The following SGCZ variants were observed in gnomAD, a reference collection of about 807,000 sequenced individuals.
SGCZ encodes zeta-sarcoglycan.
A neutral mutation model predicts 41.3 loss-of-function variants in SGCZ; 40 were observed. The ratio of observed to expected loss-of-function variants is 0.97; its 90% CI spans 0.75 to 1.26. The LOEUF is 1.26. SGCZ is among the 50% of genes most tolerant of loss of function. SGCZ has a pLI of 0.00. For synonymous variants in SGCZ, 206 were observed against 137.5 expected (o/e 1.50, Z -3.49); for missense variants, 552 against 369.8 (o/e 1.49, Z -4.04).
intron 2 of SGCZ, among the ~76,000 whole-genome samples, chr8:14,521,978 A>C (rs1387524316): frequency 6.6e-6 from 1 of 152,110 alleles, no homozygotes; most frequent in Admixed American, 6.6e-5. Flanking sequence ...TGTGTGCAGA[A>C]ATTTTAAAAT....
chr8:14,632,425 T>G (rs535205007), intron 1 of SGCZ, among the ~76,000 whole-genome samples: 1 of 152,224 alleles, frequency 6.6e-6, no homozygotes, highest in Admixed American at 6.6e-5. Context: ...TTATTTAAGG[T>G]AGCTACTATG....
At chr8:14,495,952 C>T (rs1357667078) in intron 2 of SGCZ, among the ~76,000 whole-genome samples, 2 of 152,004 alleles carry the variant, frequency 1.3e-5, no homozygotes, top group East Asian at 3.9e-4. Context: ...GAAGAACAAG[C>T]CTGAAATGTA....
chr8:15,186,302 T>G lies in SGCZ; in HGVS notation c.39+51283A>C, dbSNP rs1228250398. Among the ~76,000 whole-genome samples, 11 of 96,612 alleles carry G rather than the reference T, an allele frequency of 1.1e-4. No individual in the cohort carries two copies. The East Asian group carries it at 2.7e-3, about 23-fold the overall frequency. The allele number at this position is 96,612 out of a possible 152,430, so 63.4% of individuals were successfully genotyped here. A position where few individuals can be genotyped will look rare whatever the true frequency, so the allele number is the denominator to read the frequency against. ...AAAAAAAAAAAAAAAAAAAAAAAAG[T>G]TAATTTCTCTCGCATGTAGTAGTCC... On this transcript the variant is annotated intron_variant, in intron 1 of 7. Transcript: ENST00000382080.
intron 3 of SGCZ, among the ~76,000 whole-genome samples, chr8:14,299,085 T>C (rs909876147): frequency 2.0e-5 from 3 of 151,944 alleles, no homozygotes; most frequent in Non-Finnish European, 2.9e-5. Context: ...AGCAATTCAA[T>C]GGAGAAAGAA....
chr8:14,120,155 A>T (rs1253984229), intron 5 of SGCZ, among the ~76,000 whole-genome samples: 2 of 152,188 alleles, frequency 1.3e-5, no homozygotes, highest in Non-Finnish European at 2.9e-5. Context: ...AACCAGCAAT[A>T]AAGAATTATC....
At chr8:14,734,849 TA>T (rs35126181) in intron 1 of SGCZ, among the ~76,000 whole-genome samples, 123,271 of 151,974 alleles carry the variant, frequency 0.81, 50,353 homozygotes, top group African/African-American at 0.92. Flanking sequence ...TACCTTAATT[TA>T]AAAAAAATTA....
At chr8:14,351,209 T>A (rs1200840942) in intron 2 of SGCZ, among the ~76,000 whole-genome samples, 1 of 152,190 alleles carries the variant, frequency 6.6e-6, no homozygotes, top group Admixed American at 6.5e-5. Context: ...GTATTACCGG[T>A]ATTGTAAGAT....
intron 1 of SGCZ, among the ~76,000 whole-genome samples, chr8:15,159,723 T>TCCC (rs1799448022): frequency 7.3e-5 from 1 of 13,650 alleles, no homozygotes; most frequent in Non-Finnish European, 1.5e-4. Context: ...CCCCCCTCCC[T>TCCC]CGCCCCCGCC....
At chr8:14,501,540 C>G (rs1160367331) in intron 2 of SGCZ, among the ~76,000 whole-genome samples, 1 of 150,992 alleles carries the variant, frequency 6.6e-6, no homozygotes, top group African/African-American at 2.4e-5. Flanking sequence ...TACAAGAGAT[C>G]TATATCGTTG....
chr8:14,536,952 T>C (rs1187271285), intron 2 of SGCZ, among the ~76,000 whole-genome samples: 1 of 151,906 alleles, frequency 6.6e-6, no homozygotes, highest in African/African-American at 2.4e-5. Flanking sequence ...TAAGCCAAGA[T>C]TCTATAAAAA....
chr8:15,199,519 T>C (rs1384100629), intron 1 of SGCZ, among the ~76,000 whole-genome samples: 5 of 152,214 alleles, frequency 3.3e-5, no homozygotes, highest in African/African-American at 1.2e-4. Context: ...TCTAGAGTTA[T>C]AACTAATTAC....
At chr8:15,228,908 T>C (rs1412180697) in intron 1 of SGCZ, among the ~76,000 whole-genome samples, 1 of 152,096 alleles carries the variant, frequency 6.6e-6, no homozygotes, top group African/African-American at 2.4e-5. Flanking sequence ...TTTTGAAAAA[T>C]GCAGGCTGGG....
intron 2 of SGCZ, among the ~76,000 whole-genome samples, chr8:14,329,479 TTC>T (rs1802238512): frequency 6.6e-6 from 1 of 152,210 alleles, no homozygotes; most frequent in South Asian, 2.1e-4. Context: ...TTTTTATTTC[TTC>T]TTTTTCATTT....
intron 2 of SGCZ, among the ~76,000 whole-genome samples, chr8:14,515,371 G>C (rs926367254): frequency 8.6e-5 from 13 of 152,024 alleles, no homozygotes; most frequent in Admixed American, 3.9e-4. Flanking sequence ...AGCATTTTTA[G>C]AAAGTTTCAA....
At chr8:14,596,070 G>A (rs1410256812) in intron 1 of SGCZ, among the ~76,000 whole-genome samples, 1 of 152,208 alleles carries the variant, frequency 6.6e-6, no homozygotes, top group African/African-American at 2.4e-5. Context: ...CCGTCAGATA[G>A]ATGGACTTTG....
At chr8:14,747,127 T>C (rs1339537756) in intron 1 of SGCZ, among the ~76,000 whole-genome samples, 1 of 152,220 alleles carries the variant, frequency 6.6e-6, no homozygotes, top group Non-Finnish European at 1.5e-5. Flanking sequence ...ACGGTTAGGA[T>C]TATTTTCTGT....
chr8:14,632,345 G>A (rs1164368908), intron 1 of SGCZ, among the ~76,000 whole-genome samples: 1 of 151,866 alleles, frequency 6.6e-6, no homozygotes, highest in African/African-American at 2.4e-5. Flanking sequence ...ATAATCTAGT[G>A]CATTATCTAC....
At chr8:15,152,495 C>G (rs1234010609) in intron 1 of SGCZ, among the ~76,000 whole-genome samples, 2 of 152,170 alleles carry the variant, frequency 1.3e-5, no homozygotes, top group Admixed American at 6.5e-5. Flanking sequence ...AAAAGCAGGT[C>G]CTTGCAAGCT....
chr8:14,946,532 G>A (rs1189602197), intron 1 of SGCZ, among the ~76,000 whole-genome samples: 1 of 152,028 alleles, frequency 6.6e-6, no homozygotes, highest in East Asian at 1.9e-4. Flanking sequence ...CCACCAGGCA[G>A]GGAATGAATC....
Sources: gnomAD v4.1 joint callset for allele counts (sites outside exome capture counted in the v4.1 genomes callset) on GRCh38, gnomAD v4.1.1 for gene constraint, MANE v1.5 for transcripts, NCBI Gene and HGNC (gene_info 2026-07-23, HGNC 2026-07-21) for gene names.